Variants in PAPPA2 observed in about 807,000 individuals in gnomAD.
PAPPA2 encodes pappalysin-2.
A neutral mutation model predicts 176.4 loss-of-function variants in PAPPA2; 86 were observed. That is an observed-to-expected ratio of 0.49 (90% confidence interval 0.41 to 0.58). The LOEUF (loss-of-function observed/expected upper bound fraction) is 0.58. PAPPA2 is among the 20% of genes least tolerant of loss of function. The probability of loss-of-function intolerance (pLI) is 0.00; values close to 1 mark genes in which losing one functional copy is unlikely to be tolerated. For synonymous variants in PAPPA2, 809 were observed against 852.2 expected (o/e 0.95, Z 0.88); for missense variants, 2,073 against 2,256.9 (o/e 0.92, Z 1.65).
intron 15 of PAPPA2, 94 bp downstream of exon 15, chr1:176,765,931 T>C (rs1307520202): frequency 2.1e-6 from 3 of 1,457,010 alleles, no homozygotes; most frequent in Non-Finnish European, 2.8e-6. Context: ...AGAGCAGATG[T>C]TTTTAAACCA....
At chr1:176,483,432 TCTC>T (rs1268850523) in intron 1 of PAPPA2, among the ~76,000 whole-genome samples, 2 of 146,350 alleles carry the variant, frequency 1.4e-5, no homozygotes, top group African/African-American at 4.9e-5. Context: ...AAGGAGCCCT[TCTC>T]CTCCCTTAGG....
At chr1:176,652,393 C>T (rs1425322211) in intron 3 of PAPPA2, among the ~76,000 whole-genome samples, 4 of 151,770 alleles carry the variant, frequency 2.6e-5, no homozygotes, top group Admixed American at 6.6e-5. Flanking sequence ...CTTTTCAACA[C>T]TAAATGGCAC....
chr1:176,765,941 A>G (rs1663945189), intron 15 of PAPPA2, 104 bp downstream of exon 15: 5 of 1,361,952 alleles, frequency 3.7e-6, no homozygotes, highest in Non-Finnish European at 4.9e-6. Context: ...TTTTTAAACC[A>G]TTTGAAAGCA....
At chr1:176,591,964 G>A (rs559209282) in intron 2 of PAPPA2, among the ~76,000 whole-genome samples, 17 of 152,034 alleles carry the variant, frequency 1.1e-4, no homozygotes, top group Non-Finnish European at 1.8e-4. Flanking sequence ...TCTGCATTTC[G>A]TTCTACTAAG....
chr1:176,817,434 A>G (rs1183856409), intron 21 of PAPPA2, among the ~76,000 whole-genome samples: 1 of 152,114 alleles, frequency 6.6e-6, no homozygotes. Context: ...GAAGCCTGAC[A>G]CATTTTATCA....
intron 5 of PAPPA2, among the ~76,000 whole-genome samples, chr1:176,691,529 G>A (rs948011481): frequency 1.3e-5 from 2 of 152,210 alleles, no homozygotes; most frequent in African/African-American, 4.8e-5. Flanking sequence ...CATTTAGGAA[G>A]CTGAGTGAGG....
At chr1:176,683,205 A>T (rs1659670943) in intron 4 of PAPPA2, among the ~76,000 whole-genome samples, 3 of 152,118 alleles carry the variant, frequency 2.0e-5, no homozygotes, top group Admixed American at 2.0e-4. Context: ...TCTTCTAATT[A>T]GCAGATTCTT....
chr1:176,724,358 G>A (rs1661764559), intron 12 of PAPPA2, among the ~76,000 whole-genome samples: 1 of 152,138 alleles, frequency 6.6e-6, no homozygotes, highest in South Asian at 2.1e-4. Flanking sequence ...ATTCTTCCCA[G>A]AAAGTCCTTT....
chr1:176,621,138 G>A (rs375542993), intron 3 of PAPPA2, among the ~76,000 whole-genome samples: 4 of 152,278 alleles, frequency 2.6e-5, no homozygotes, highest in African/African-American at 9.6e-5. Flanking sequence ...TTCATAACAG[G>A]TAAGAATGTT....
chr1:176,776,525 T>G (rs1452966296), intron 17 of PAPPA2, among the ~76,000 whole-genome samples: 1 of 152,162 alleles, frequency 6.6e-6, no homozygotes, highest in Non-Finnish European at 1.5e-5. Context: ...GACTATTTAT[T>G]GTTTAACAAA....
At chr1:176,840,379 A>G in intron 22 of PAPPA2, 108 bp downstream of exon 22, 3 of 832,668 alleles carry the variant, frequency 3.6e-6, no homozygotes, top group Non-Finnish European at 1.9e-6. Flanking sequence ...GTATTCAACA[A>G]TTAGGAGGGA....
At chr1:176,705,330 A>T (rs956120120) in intron 9 of PAPPA2, among the ~76,000 whole-genome samples, 10 of 152,160 alleles carry the variant, frequency 6.6e-5, no homozygotes, top group Admixed American at 5.2e-4. Context: ...ATATCACTGT[A>T]TTCATAGCAT....
At chr1:176,629,431 A>T (rs1656221322) in intron 3 of PAPPA2, among the ~76,000 whole-genome samples, 1 of 152,158 alleles carries the variant, frequency 6.6e-6, no homozygotes, top group Non-Finnish European at 1.5e-5. Flanking sequence ...CTGGCAACAG[A>T]TGGGTCTGCC....
At chr1:176,627,787 A>G (rs1290580497) in intron 3 of PAPPA2, among the ~76,000 whole-genome samples, 1 of 152,170 alleles carries the variant, frequency 6.6e-6, no homozygotes, top group Non-Finnish European at 1.5e-5. Flanking sequence ...AAGGTCACCC[A>G]CATAACAGTA....
At position 176,661,631 on chromosome 1, in the gene PAPPA2, A is replaced by T. The variant is rs116209474; in HGVS notation, c.1992-9339A>T. Among the ~76,000 whole-genome samples the T allele has an allele frequency of 8.7e-3, 1,326 of 151,608 alleles. 9 individuals are homozygous for T. Among genetic ancestry groups the T allele is most frequent in the Non-Finnish European group, 0.014 (947 of 67,894 alleles). ...TGGATGCGGGAACACTATTGCCCAG[A>T]CATTGCAGGCAGAGTAAGTGAAGGC... On this transcript the variant is annotated intron_variant, in intron 3 of 22. Coordinates refer to ENST00000367662, the MANE Select transcript of PAPPA2 (RefSeq NM_020318.3).
intron 1 of PAPPA2, among the ~76,000 whole-genome samples, chr1:176,475,065 T>G (rs1032372663): frequency 7.9e-5 from 12 of 152,172 alleles, no homozygotes; most frequent in Non-Finnish European, 1.5e-4. Context: ...ATTTTGTTTT[T>G]TGTGTGTGTG....
intron 21 of PAPPA2, among the ~76,000 whole-genome samples, chr1:176,811,484 G>T (rs1666147264): frequency 6.6e-6 from 1 of 152,044 alleles, no homozygotes; most frequent in Non-Finnish European, 1.5e-5. Flanking sequence ...AGTGAAAAGG[G>T]GTTATAAAAA....
intron 20 of PAPPA2, among the ~76,000 whole-genome samples, chr1:176,794,497 C>T (rs1665336626): frequency 6.6e-6 from 1 of 152,152 alleles, no homozygotes; most frequent in African/African-American, 2.4e-5. Context: ...CTAGCTATCT[C>T]CATGCAAAAT....
intron 3 of PAPPA2, among the ~76,000 whole-genome samples, chr1:176,648,828 G>C (rs747648616): frequency 6.6e-6 from 1 of 151,392 alleles, no homozygotes; most frequent in Non-Finnish European, 1.5e-5. Context: ...TGTTGAATTT[G>C]GTTTGCTAAT....
Sources: gnomAD v4.1 joint callset for allele counts (sites outside exome capture counted in the v4.1 genomes callset) on GRCh38, gnomAD v4.1.1 for gene constraint, MANE v1.5 for transcripts, NCBI Gene and HGNC (gene_info 2026-07-23, HGNC 2026-07-21) for gene names.